Variants in SASH1 observed in about 807,000 individuals in gnomAD.
SASH1 encodes the protein SAM and SH3 domain containing 1.
A neutral mutation model predicts 125.2 loss-of-function variants in SASH1; 44 were observed. The ratio of observed to expected loss-of-function variants is 0.35; its 90% CI spans 0.28 to 0.45. The LOEUF is 0.45. Among genes scored for constraint, SASH1 ranks in the 20% least tolerant of loss-of-function variants. SASH1 has a pLI of 1.00. For missense variants in SASH1, 1,426 were observed against 1,614.5 expected (o/e 0.88, Z 2.00); for synonymous variants, 639 against 649.1 (o/e 0.98, Z 0.24).
Position 148,487,707 on chromosome 6 carries a change from A to G in SASH1, c.721A>G (p.Asn241Asp), listed in dbSNP as rs764880700. The G allele has an allele frequency of 2.5e-6, 4 of 1,609,278 alleles. No individual in the cohort carries two copies. The highest frequency in any genetic ancestry group is 2.6e-6 in the Non-Finnish European group (3 of 1,176,078). ...TTACCCAACGTTTGATGGCTCATCA[A>G]ACTGCAATGTGAGTTTATCATGTCT... The part of the protein sequence containing the change: ...GSYPTFDGSS[N>D]CNSREQSDDE... Residue 241 changes from asparagine to aspartate, a missense_variant, in exon 8 of 20, where the codon AAC becomes GAC. This residue lies in a region of SASH1 where 567 missense variants were observed against 575.6 expected (regional missense o/e 0.99). Coordinates refer to ENST00000367467, the MANE Select transcript of SASH1 (RefSeq NM_015278.5).
chr6:148,549,592 T>A lies in SASH1; in HGVS notation c.*1034T>A. On this transcript the variant is annotated 3_prime_UTR_variant, in exon 20 of 20. Coordinates refer to ENST00000367467, the MANE Select transcript of SASH1 (RefSeq NM_015278.5). ...TGCAAAAGGTCACTGTGAGGCTGCA[T>A]ATTTCAGAAAGATGTCCTTAATAAG... The A allele has an allele frequency of 2.5e-6, 1 of 399,038 alleles. No individual in the cohort carries two copies. Among genetic ancestry groups the A allele is most frequent in the South Asian group, 1.3e-4 (1 of 7,862 alleles). The allele number at this position is 399,038 out of a possible 1,614,324, so 24.7% of individuals were successfully genotyped here. A position where few individuals can be genotyped will look rare whatever the true frequency, so the allele number is the denominator to read the frequency against.
chr6:148,235,361 T>A, the SASH1 span, among the ~76,000 whole-genome samples: 1 of 152,164 alleles, frequency 6.6e-6, no homozygotes, highest in Non-Finnish European at 1.5e-5. Context: ...AAATAAAATA[T>A]CTCTAATCAA....
chr6:148,333,593 A>C (rs571136138), intron 1 of SASH1, among the ~76,000 whole-genome samples: 1 of 151,592 alleles, frequency 6.6e-6, no homozygotes, highest in Admixed American at 6.6e-5. Flanking sequence ...ATGGAGTCTT[A>C]CTCTGTCGCC....
chr6:148,270,378 TA>T (rs201701158), upstream of SASH1, among the ~76,000 whole-genome samples: 11 of 98,922 alleles, frequency 1.1e-4, no homozygotes, highest in Admixed American at 4.5e-4. Context: ...TTTAATATTT[TA>T]AAATTTTTTT....
At chr6:148,546,454 A>T (rs908942197) in intron 19 of SASH1, among the ~76,000 whole-genome samples, 1 of 152,210 alleles carries the variant, frequency 6.6e-6, no homozygotes, top group Non-Finnish European at 1.5e-5. Context: ...GGATTGCTTG[A>T]GCCCAGAATT....
chr6:148,483,728 C>T (rs756850567), intron 7 of SASH1, among the ~76,000 whole-genome samples: 7 of 152,098 alleles, frequency 4.6e-5, no homozygotes, highest in Non-Finnish European at 7.4e-5. Flanking sequence ...TTCTCTAGAG[C>T]AGGGTATGTG....
chr6:148,375,373 C>CA (rs1294227909), intron 1 of SASH1, among the ~76,000 whole-genome samples: 1 of 151,332 alleles, frequency 6.6e-6, no homozygotes, highest in Non-Finnish European at 1.5e-5. Context: ...CCTATTATCT[C>CA]ACATAGTTAA....
intron 2 of SASH1, among the ~76,000 whole-genome samples, chr6:148,391,049 A>G (rs11967733): frequency 0.011 from 1,730 of 151,690 alleles, 31 homozygotes; most frequent in African/African-American, 0.041. Context: ...TTTAGCGGGT[A>G]TCCTTCTAGT....
At chr6:148,195,084 C>T in the SASH1 span, among the ~76,000 whole-genome samples, 2 of 152,212 alleles carry the variant, frequency 1.3e-5, no homozygotes, top group African/African-American at 4.8e-5. Context: ...ACATTTAATA[C>T]ATTTACTTTT....
chr6:148,298,769 A>AGAG (rs1444160230), intron 1 of SASH1, among the ~76,000 whole-genome samples: 8 of 133,014 alleles, frequency 6.0e-5, no homozygotes, highest in African/African-American at 1.2e-4. Context: ...AGAGAGAAAG[A>AGAG]AAAAAGAAAG....
chr6:148,468,509 G>C (rs1777951776), intron 4 of SASH1, 36 bp from the exon 5 acceptor site: 1 of 1,553,210 alleles, frequency 6.4e-7, no homozygotes, highest in Non-Finnish European at 8.8e-7. Flanking sequence ...ATGAAAGCAA[G>C]GCTCTCTGGT....
chr6:148,499,738 T>A (rs1345797479), intron 8 of SASH1, among the ~76,000 whole-genome samples: 1 of 152,180 alleles, frequency 6.6e-6, no homozygotes. Context: ...AAGAGCTGAG[T>A]AAATCGGAAA....
intron 1 of SASH1, among the ~76,000 whole-genome samples, chr6:148,300,274 G>T (rs1405019835): frequency 2.0e-5 from 3 of 151,996 alleles, no homozygotes; most frequent in Admixed American, 2.0e-4. Context: ...TAAACTCCAG[G>T]TTGGAAGGAT....
At chr6:148,260,755 G>C in the SASH1 span, among the ~76,000 whole-genome samples, 1 of 140,840 alleles carries the variant, frequency 7.1e-6, no homozygotes, top group African/African-American at 2.7e-5. Flanking sequence ...CATGTGTCTT[G>C]TTTAGAATCT....
chr6:148,219,229 C>T, the SASH1 span, among the ~76,000 whole-genome samples: 2 of 152,188 alleles, frequency 1.3e-5, no homozygotes, highest in Non-Finnish European at 2.9e-5. Context: ...AATTGATTCT[C>T]TCCTCATTGT....
intron 1 of SASH1, among the ~76,000 whole-genome samples, chr6:148,295,076 T>TCACA (rs367719491): frequency 0.013 from 2,035 of 151,502 alleles, 41 homozygotes; most frequent in African/African-American, 0.046. Context: ...TCTCTCTCTC[T>TCACA]CACACACACA....
At position 148,488,750 on chromosome 6, in the gene SASH1, A is replaced by G. The variant is rs182858489; in HGVS notation, c.729+1035A>G. 1.4e-4 allele frequency among the ~76,000 whole-genome samples: 22 copies of G among 152,296 alleles called. No homozygotes were observed. The East Asian group carries it at 4.2e-3, about 29-fold the overall frequency. On this transcript the variant is annotated intron_variant, in intron 8 of 19. Coordinates refer to ENST00000367467, the MANE Select transcript of SASH1 (RefSeq NM_015278.5). ...TGCATTTCCCTCAAGCATCTTTCAC[A>G]TGTTCATTGGCCATTTGTGTATCAT...
intron 8 of SASH1, among the ~76,000 whole-genome samples, chr6:148,499,258 T>A (rs1779462040): frequency 6.6e-6 from 1 of 152,176 alleles, no homozygotes. Flanking sequence ...CTCTTCTCTA[T>A]GCCGTTCATC....
intron 15 of SASH1, among the ~76,000 whole-genome samples, chr6:148,534,507 C>A (rs1452304442): frequency 6.6e-6 from 1 of 152,204 alleles, no homozygotes; most frequent in East Asian, 1.9e-4. Context: ...TAGTGCAAGC[C>A]AGCAGAATCC....
Sources: gnomAD v4.1 joint callset for allele counts (sites outside exome capture counted in the v4.1 genomes callset) on GRCh38, gnomAD v4.1.1 for gene constraint, gnomAD v4.1.1 regional missense constraint, MANE v1.5 for transcripts, NCBI Gene and HGNC (gene_info 2026-07-23, HGNC 2026-07-21) for gene names.